JPH1: variants seen among roughly 807,000 people sequenced by gnomAD.
The protein encoded by JPH1 is junctophilin-1.
In JPH1, 12 loss-of-function variants were observed where a neutral mutation model predicts 53.6. The observed-to-expected ratio is 0.22, with a 90% CI of 0.14 to 0.36. The LOEUF is 0.36. Ranked by LOEUF, JPH1 falls within the 10% of genes least tolerant of loss-of-function variation. The pLI is 1.00. For missense variants in JPH1, 808 were observed against 905.5 expected, an observed-to-expected ratio of 0.89 and a Z score of 1.38; for synonymous variants, 375 against 363.8, an observed-to-expected ratio of 1.03 and a Z score of -0.35.
chr8:74,255,995 G>A (rs1365678550), intron 3 of JPH1, among the ~76,000 whole-genome samples: 1 of 152,118 alleles, frequency 6.6e-6, no homozygotes, highest in Non-Finnish European at 1.5e-5. Context: ...GATTCCTCAG[G>A]GATCTAGAAC....
Position 74,244,985 on chromosome 8 carries a change from C to CAGA in JPH1, c.1448_1449insTCT (p.Leu483dup). The stretch of plus-strand genomic sequence containing the variant: ...CCCCTGAGCTGGGGTTTTGCTTCTT[C>CAGA]AGGGGCTTTGGGGAGGAAGCAGGAG... On this transcript the variant is annotated inframe_insertion, in exon 4 of 6. Transcript: ENST00000342232. 5.6e-6 allele frequency: 9 copies of CAGA among 1,614,046 alleles called. No homozygotes were observed. The highest frequency in any genetic ancestry group is 5.9e-6 in the Non-Finnish European group (7 of 1,180,016).
chr8:74,283,942 G>T (rs577243218), intron 2 of JPH1, among the ~76,000 whole-genome samples: 219 of 152,256 alleles, frequency 1.4e-3, no homozygotes, highest in African/African-American at 5.1e-3. Flanking sequence ...GCGCTTGGAT[G>T]GGATTTAAAG....
chr8:74,310,906 A>G (rs1350186866), intron 2 of JPH1, among the ~76,000 whole-genome samples: 1 of 152,238 alleles, frequency 6.6e-6, no homozygotes, highest in Non-Finnish European at 1.5e-5. Context: ...CATTACAGGG[A>G]CAGTGTTGTG....
chr8:74,259,231 T>A (rs1337094140), intron 3 of JPH1, among the ~76,000 whole-genome samples, 154 bp downstream of exon 3: 3 of 152,206 alleles, frequency 2.0e-5, no homozygotes, highest in Non-Finnish European at 2.9e-5. Flanking sequence ...GCACTTCAGA[T>A]GAAGGATCCT....
intron 1 of JPH1, among the ~76,000 whole-genome samples, chr8:74,318,170 A>T (rs1158351499): frequency 6.6e-6 from 1 of 152,214 alleles, no homozygotes; most frequent in Non-Finnish European, 1.5e-5. Context: ...TGCTGCTCAA[A>T]TAAAGTTCTA....
chr8:74,254,279 C>T (rs1029870070), intron 3 of JPH1, among the ~76,000 whole-genome samples: 3 of 151,984 alleles, frequency 2.0e-5, no homozygotes, highest in South Asian at 2.1e-4. Flanking sequence ...ATAAACAGAA[C>T]CAAAGACAAA....
chr8:74,308,336 A>G (rs1807897050), intron 2 of JPH1, among the ~76,000 whole-genome samples: 1 of 152,222 alleles, frequency 6.6e-6, no homozygotes. Flanking sequence ...GTCCTGTAAC[A>G]ATGTTGACCT....
intron 2 of JPH1, among the ~76,000 whole-genome samples, chr8:74,305,308 A>G (rs539621462): frequency 6.6e-6 from 1 of 152,364 alleles, no homozygotes; most frequent in African/African-American, 2.4e-5. Context: ...GAAGCCTACC[A>G]GCTATGGCAG....
rs375807575 is a variant in JPH1 at position 74,265,946 on chromosome 8, T to TAAA, written c.1140-6446_1140-6444dup. Among the ~76,000 whole-genome samples, 188 of 141,230 alleles carry TAAA rather than the reference T, an allele frequency of 1.3e-3. 1 individual carries two copies. Among genetic ancestry groups the TAAA allele is most frequent in the African/African-American group, 4.5e-3 (177 of 39,022 alleles). 92.7% of individuals were successfully genotyped at this position (141,230 alleles called of 152,430 possible). Reference sequence around the variant, plus strand: ...TCACACCCATAAGGATGGCTACTATTAAAAAAAAAAAAACAGAGAATAACA... The same window carrying TAAA: ...TCACACCCATAAGGATGGCTACTATTAAAAAAAAAAAAAAAACAGAGAATAACA... On this transcript the variant is annotated intron_variant, in intron 2 of 5. Coordinates refer to ENST00000342232, the MANE Select transcript of JPH1 (RefSeq NM_020647.4).
At chr8:74,309,799 C>G (rs1563421723) in intron 2 of JPH1, among the ~76,000 whole-genome samples, 1 of 152,186 alleles carries the variant, frequency 6.6e-6, no homozygotes, top group Non-Finnish European at 1.5e-5. Context: ...GTGGGATGAT[C>G]TTGGGCAGAG....
intron 2 of JPH1, among the ~76,000 whole-genome samples, chr8:74,277,970 AT>A (rs1806897669): frequency 1.3e-5 from 2 of 152,138 alleles, no homozygotes; most frequent in African/African-American, 4.8e-5. Context: ...AAGCAAAAGG[AT>A]TTTCCCAGAG....
At chr8:74,254,052 C>T (rs1260148055) in intron 3 of JPH1, among the ~76,000 whole-genome samples, 1 of 152,102 alleles carries the variant, frequency 6.6e-6, no homozygotes, top group Non-Finnish European at 1.5e-5. Context: ...ATGAGGCCAG[C>T]ATCATCCTGA....
chr8:74,250,129 TA>T (rs1296622574), intron 3 of JPH1, among the ~76,000 whole-genome samples: 1 of 150,210 alleles, frequency 6.7e-6, no homozygotes, highest in African/African-American at 2.5e-5. Flanking sequence ...ATCTCTCGAC[TA>T]AAAGGATTTT....
intron 4 of JPH1, among the ~76,000 whole-genome samples, chr8:74,242,058 T>C (rs542835426): frequency 6.6e-6 from 1 of 152,272 alleles, no homozygotes; most frequent in East Asian, 1.9e-4. Context: ...CACAAAAGTT[T>C]CTTGAGGAAA....
At chr8:74,285,392 G>A (rs1241789121) in intron 2 of JPH1, among the ~76,000 whole-genome samples, 1 of 151,668 alleles carries the variant, frequency 6.6e-6, no homozygotes, top group African/African-American at 2.4e-5. Flanking sequence ...ACTACTTCTA[G>A]AATGAGGAAG....
At chr8:74,244,497 AAGAAAGAG>A (rs746407954) in intron 4 of JPH1, 24 bp downstream of exon 4, 19 of 1,554,730 alleles carry the variant, frequency 1.2e-5, no homozygotes, top group Admixed American at 2.0e-5. Flanking sequence ...AAAGGGAAGA[AAGAAAGAG>A]AAAACGCTAC....
chr8:74,290,609 T>C (rs563201398), intron 2 of JPH1, among the ~76,000 whole-genome samples: 4 of 152,312 alleles, frequency 2.6e-5, no homozygotes, highest in African/African-American at 7.2e-5. Flanking sequence ...ATGACTTTCT[T>C]CACAGAATTG....
chr8:74,247,127 A>G lies in JPH1; in HGVS notation c.1259-1952T>C, dbSNP rs374074370. Among the ~76,000 whole-genome samples, 3 of 152,320 alleles carry G rather than the reference A, an allele frequency of 2.0e-5. No individual in the cohort carries two copies. In the East Asian group the frequency reaches 5.8e-4, roughly 29 times the overall value. On this transcript the variant is annotated intron_variant, in intron 3 of 5. Transcript: ENST00000342232. ...ATCAGGTCATTGATACTAGTCTGTC[A>G]TGGAGAAGCCCCTTGTGATTCACCT...
chr8:74,258,974 T>C (rs1042259171), intron 3 of JPH1, among the ~76,000 whole-genome samples: 2 of 152,228 alleles, frequency 1.3e-5, no homozygotes, highest in Non-Finnish European at 2.9e-5. Context: ...ACCGACACGA[T>C]GCTACAAGTG....
Sources: gnomAD v4.1 joint callset for allele counts (sites outside exome capture counted in the v4.1 genomes callset) on GRCh38, gnomAD v4.1.1 for gene constraint, MANE v1.5 for transcripts, NCBI Gene and HGNC (gene_info 2026-07-23, HGNC 2026-07-21) for gene names.